ZBTB20: variants seen among roughly 807,000 people sequenced by gnomAD.
ZBTB20 encodes zinc finger and BTB domain-containing protein 20.
A neutral mutation model predicts 56.9 loss-of-function variants in ZBTB20; 9 were observed. The observed-to-expected ratio is 0.16, with a 90% CI of 0.10 to 0.28. The LOEUF is 0.28. Among genes scored for constraint, ZBTB20 ranks in the 10% least tolerant of loss-of-function variants. The pLI, the probability that ZBTB20 is intolerant of heterozygous loss-of-function variation, is 1.00. For missense variants in ZBTB20, 655 were observed against 1,003.0 expected (o/e 0.65, Z 4.69); for synonymous variants, 417 against 420.7 (o/e 0.99, Z 0.11).
intron 5 of ZBTB20, among the ~76,000 whole-genome samples, chr3:114,793,651 A>G (rs1276866159): frequency 2.0e-5 from 3 of 152,178 alleles, no homozygotes; most frequent in African/African-American, 7.2e-5. Flanking sequence ...CTACTTTGCC[A>G]GATGAGGTGC....
At chr3:114,750,990 G>A (rs886963378) in intron 5 of ZBTB20, among the ~76,000 whole-genome samples, 1 of 152,122 alleles carries the variant, frequency 6.6e-6, no homozygotes, top group Non-Finnish European at 1.5e-5. Flanking sequence ...GTTAGTTTTA[G>A]ATTTTTGAAC....
chr3:114,799,232 T>C lies in ZBTB20; in HGVS notation c.-343+1869A>G, dbSNP rs538388313. On this transcript the variant is annotated intron_variant, in intron 5 of 11. Transcript: ENST00000675478. ...TATCAGAGCATCATCTACCCTGGAATTGGGCATATTTATTTGTGGAGTTGA... is the reference window on the plus strand; with the variant it reads ...TATCAGAGCATCATCTACCCTGGAACTGGGCATATTTATTTGTGGAGTTGA... Among the ~76,000 whole-genome samples the C allele has an allele frequency of 2.0e-5, 3 of 152,076 alleles. No individual in the cohort carries two copies. The South Asian group carries it at 6.2e-4, about 31-fold the overall frequency.
chr3:114,619,359 G>C (rs985440654), intron 6 of ZBTB20, among the ~76,000 whole-genome samples: 1 of 152,094 alleles, frequency 6.6e-6, no homozygotes, highest in Non-Finnish European at 1.5e-5. Flanking sequence ...AGACGAAAAG[G>C]AATATTCTAT....
intron 2 of ZBTB20, among the ~76,000 whole-genome samples, chr3:114,978,148 T>C (rs2078181328): frequency 6.6e-6 from 1 of 151,288 alleles, no homozygotes; most frequent in South Asian, 2.1e-4. Context: ...ATAAACATAT[T>C]ATTCTACTTT....
intron 6 of ZBTB20, among the ~76,000 whole-genome samples, chr3:114,614,897 A>G (rs994273936): frequency 6.6e-6 from 1 of 152,104 alleles, no homozygotes; most frequent in Non-Finnish European, 1.5e-5. Context: ...AGCTGGGATT[A>G]TAGGTGTGTG....
At chr3:115,117,786 T>C (rs2084062480) in intron 1 of ZBTB20, among the ~76,000 whole-genome samples, 1 of 152,142 alleles carries the variant, frequency 6.6e-6, no homozygotes, top group Non-Finnish European at 1.5e-5. Flanking sequence ...AAATAAATTA[T>C]TGTGAAATGT....
chr3:114,508,268 G>A (rs961802792), intron 6 of ZBTB20, among the ~76,000 whole-genome samples: 6 of 152,114 alleles, frequency 3.9e-5, no homozygotes, highest in Admixed American at 3.9e-4. Context: ...AGGTCTAACA[G>A]GGGTGGCAAG....
At chr3:114,563,484 T>C (rs2052352475) in intron 6 of ZBTB20, among the ~76,000 whole-genome samples, 1 of 152,192 alleles carries the variant, frequency 6.6e-6, no homozygotes, top group African/African-American at 2.4e-5. Context: ...TATTAAACAT[T>C]ATGAAATTGC....
At chr3:114,631,742 T>C (rs988881727) in intron 6 of ZBTB20, among the ~76,000 whole-genome samples, 2 of 152,224 alleles carry the variant, frequency 1.3e-5, no homozygotes, top group African/African-American at 4.8e-5. Context: ...TTTTTTCTTA[T>C]GATTCTGGTC....
chr3:114,876,215 AT>A, intron 4 of ZBTB20: 1 of 151,066 alleles, frequency 6.6e-6, no homozygotes, highest in Non-Finnish European at 1.5e-5. Context: ...GATTTGTGAG[AT>A]TTTGGTGCAC....
intron 11 of ZBTB20, among the ~76,000 whole-genome samples, chr3:114,348,850 A>C (rs2080407849): frequency 6.6e-6 from 1 of 152,180 alleles, no homozygotes; most frequent in African/African-American, 2.4e-5. Flanking sequence ...ATTTGTTTTC[A>C]TGTATCAGAA....
At chr3:114,792,794 T>C (rs1385372068) in intron 5 of ZBTB20, among the ~76,000 whole-genome samples, 2 of 152,158 alleles carry the variant, frequency 1.3e-5, no homozygotes, top group Non-Finnish European at 2.9e-5. Flanking sequence ...TCACTTCAAA[T>C]GTATTCCTCA....
At chr3:114,974,206 T>G (rs981799333) in intron 3 of ZBTB20, among the ~76,000 whole-genome samples, 160 bp downstream of exon 3, 2 of 152,050 alleles carry the variant, frequency 1.3e-5, no homozygotes, top group African/African-American at 4.8e-5. Context: ...TTCATATTAT[T>G]TTTAGGTATA....
In ZBTB20 at chr3:114,339,170, G is replaced by C; in HGVS notation, c.2061C>G (p.Ser687Arg). The part of the protein sequence containing the change: ...LERHVALHSA[S>R]NGTPPAGTPP... ...GTGTGCCTGCAGGGGGGGTCCCATT[G>C]CTGGCACTGTGCAGGGCCACGTGTC... Residue 687 changes from serine to arginine, a missense_variant, in exon 12 of 12, where the codon AGC becomes AGG. By Grantham distance (110) the Ser-to-Arg change is moderately radical. Around this residue, in one of 10 missense-constraint regions of ZBTB20, gnomAD observed 89 missense variants for 79.7 expected, o/e 1.12. Transcript: ENST00000675478. The surrounding 1 kb of genome is among the most constrained non-coding windows in gnomAD (Gnocchi z 4.2). 1 of 1,614,184 alleles carries C rather than the reference G, an allele frequency of 6.2e-7. No homozygotes were observed. The highest frequency in any genetic ancestry group is 8.5e-7 in the Non-Finnish European group (1 of 1,179,990).
rs530396079 is a variant in ZBTB20, at chr3:114,746,383, G to GT, written c.-342-52809dup. ...TTTTGTTTGTTTGTTTTTTGTTTTTGTTTTTTTTTAATTATTTGAAGAGTC... is the reference window on the plus strand; with the variant it reads ...TTTTGTTTGTTTGTTTTTTGTTTTTGTTTTTTTTTTAATTATTTGAAGAGTC... On this transcript the variant is annotated intron_variant, in intron 5 of 11. Transcript: ENST00000675478. 1.5e-3 allele frequency among the ~76,000 whole-genome samples: 219 copies of GT among 149,992 alleles called. 1 individual carries two copies. The highest frequency in any genetic ancestry group is 4.0e-3 in the African/African-American group (163 of 40,834).
At position 114,350,947 on chromosome 3, in the gene ZBTB20, C is replaced by T. The variant is rs1232725861; in HGVS notation, c.1131G>A (p.Ser377=). 6.2e-7 allele frequency: 1 copy of T among 1,605,946 alleles called. No homozygotes were observed. The highest frequency in any genetic ancestry group is 1.3e-5 in the African/African-American group (1 of 74,742). The change falls in exon 11 of 12, where the codon TCG becomes TCA. Residue 377 remains serine, a synonymous_variant. Coordinates refer to ENST00000675478, the MANE Select transcript of ZBTB20 (RefSeq NM_001348800.3). ...ESEPKGESFD[S]GVSSSIGTEP... Reference sequence around the variant, plus strand: ...CGGTGCCTATGGAGGAGCTGACGCCCGAGTCGAAGCTTTCACCTTTGGGCT... The same window carrying T: ...CGGTGCCTATGGAGGAGCTGACGCCTGAGTCGAAGCTTTCACCTTTGGGCT...
In ZBTB20 at chr3:114,413,063, C is replaced by T. The variant is rs560108360; in HGVS notation, c.-254-23958G>A. The stretch of plus-strand genomic sequence containing the variant: ...TACGATCAGCTCTAGTAAAAGGTAA[C>T]GGCAACTCATGGGTGGGATACTTTC... On this transcript the variant is annotated intron_variant, in intron 7 of 11. Coordinates refer to ENST00000675478, the MANE Select transcript of ZBTB20 (RefSeq NM_001348800.3). Among the ~76,000 whole-genome samples the T allele has an allele frequency of 1.4e-4, 22 of 152,002 alleles. No homozygotes were observed. The South Asian group carries it at 1.7e-3, about 11-fold the overall frequency.
rs1198379708 is a variant in ZBTB20 at position 114,328,539 on chromosome 3, G to A, written c.*10466C>T. The stretch of plus-strand genomic sequence containing the variant: ...AGAAAATATTTTTCTCTTCATTTTT[G>A]GCCAAACGTGAAGGTAAGGGGAATT... On this transcript the variant is annotated 3_prime_UTR_variant, in exon 12 of 12. Transcript: ENST00000675478. 6.6e-6 allele frequency: 1 copy of A among 150,988 alleles called. No homozygotes were observed. The highest frequency in any genetic ancestry group is 1.9e-4 in the East Asian group (1 of 5,186). The allele number at this position is 150,988 out of a possible 1,614,324, so 9.4% of individuals were successfully genotyped here. A position where few individuals can be genotyped will look rare whatever the true frequency, so the allele number is the denominator to read the frequency against.
intron 2 of ZBTB20, among the ~76,000 whole-genome samples, chr3:115,046,301 C>G (rs929994293): frequency 2.0e-5 from 3 of 152,020 alleles, no homozygotes; most frequent in Non-Finnish European, 4.4e-5. Context: ...GATTCTTAAT[C>G]CATCTTTTGA....
Sources: allele counts gnomAD v4.1 joint callset (sites outside exome capture counted in the v4.1 genomes callset), GRCh38; gene constraint gnomAD v4.1.1; regional missense constraint gnomAD v4.1.1; non-coding constraint Gnocchi (gnomAD v3.1); transcripts MANE v1.5; gene names NCBI Gene and HGNC (gene_info 2026-07-23, HGNC 2026-07-21).